DUSP14: variants seen among roughly 807,000 people sequenced by gnomAD.
DUSP14 encodes the protein dual specificity protein phosphatase 14.
DUSP14 carries 5 observed loss-of-function variants against 13.2 expected under a neutral mutation model. The ratio of observed to expected loss-of-function variants is 0.38; its 90% CI spans 0.20 to 0.80. The LOEUF is 0.80. Among genes scored for constraint, DUSP14 ranks in the 30% least tolerant of loss-of-function variants. The pLI, the probability that DUSP14 is intolerant of heterozygous loss-of-function variation, is 0.44. For missense variants in DUSP14, 185 were observed against 264.0 expected (o/e 0.70, Z 2.07); for synonymous variants, 91 against 103.4 (o/e 0.88, Z 0.73).
rs1230034955 is a variant in DUSP14, at chr17:37,513,347, CA to C, written c.*479del. 5.8e-6 allele frequency: 1 copy of C among 172,666 alleles called. No individual in the cohort carries two copies. The highest frequency in any genetic ancestry group is 2.4e-5 in the African/African-American group (1 of 41,656). The allele number at this position is 172,666 out of a possible 1,614,324, so 10.7% of individuals were successfully genotyped here. The stretch of plus-strand genomic sequence containing the variant: ...TAGCCCTACTCTTTCCTTTCCCCTC[CA>C]TTATTTAGTGACTCTGTAAGTAAGT... On this transcript the variant is annotated 3_prime_UTR_variant, in exon 3 of 3. Coordinates refer to ENST00000617516, the MANE Select transcript of DUSP14 (RefSeq NM_007026.4).
chr17:37,510,568 C>A (rs1481764636), intron 1 of DUSP14, 109 bp from the exon 2 acceptor site: 1 of 152,234 alleles, frequency 6.6e-6, no homozygotes, highest in Non-Finnish European at 1.5e-5. Flanking sequence ...AGTGCACCTT[C>A]CGCTTCCTGG....
Position 37,512,819 on chromosome 17 carries a change from G to A in DUSP14, c.547G>A (p.Asp183Asn), listed in dbSNP as rs2054200134. The A allele has an allele frequency of 7.4e-6, 12 of 1,612,076 alleles. No homozygotes were observed. Among genetic ancestry groups the A allele is most frequent in the East Asian group, 2.2e-5 (1 of 44,810 alleles). ...ACAGACACCTTATGGCATAGTTCCCGACGTCTATGAGAAGGAGTCCCGACA... is the reference window on the plus strand; with the variant it reads ...ACAGACACCTTATGGCATAGTTCCCAACGTCTATGAGAAGGAGTCCCGACA... ...MVQTPYGIVP[D>N]VYEKESRHLM... Residue 183 changes from aspartate to asparagine, a missense_variant, in exon 3 of 3, where the codon GAC (aspartate) becomes AAC (asparagine). Asp to Asn is a conservative substitution (Grantham distance 23). Transcript: ENST00000617516. This position sits in a 1 kb window ranked among gnomAD's most constrained non-coding sequence, Gnocchi z 4.8.
At chr17:37,498,158 CT>C (rs1181607275) in intron 1 of DUSP14, among the ~76,000 whole-genome samples, 1 of 151,104 alleles carries the variant, frequency 6.6e-6, no homozygotes, top group Admixed American at 6.6e-5. Flanking sequence ...CATGATATTT[CT>C]TTTTTTTCCT....
chr17:37,511,920 C>CA (rs1568206013), intron 2 of DUSP14, among the ~76,000 whole-genome samples: 1 of 42,784 alleles, frequency 2.3e-5, no homozygotes, highest in South Asian at 5.3e-4. Flanking sequence ...CATGCCCAGC[C>CA]ACCCCCCCCC....
At chr17:37,503,586 G>A (rs1466560382) in intron 1 of DUSP14, among the ~76,000 whole-genome samples, 1 of 152,232 alleles carries the variant, frequency 6.6e-6, no homozygotes, top group East Asian at 1.9e-4. Context: ...GTGTAAATGA[G>A]TGGTAGGTAA....
At chr17:37,491,291 C>T (rs1412638848) in intron 1 of DUSP14, among the ~76,000 whole-genome samples, 1 of 152,194 alleles carries the variant, frequency 6.6e-6, no homozygotes, top group Non-Finnish European at 1.5e-5. Flanking sequence ...ACAGTGAACG[C>T]CTCTTCTTCG....
At chr17:37,509,163 ACACACTCTAT>A (rs2054160593) in intron 1 of DUSP14, among the ~76,000 whole-genome samples, 3 of 58,244 alleles carry the variant, frequency 5.2e-5, no homozygotes, top group East Asian at 4.1e-4. Flanking sequence ...ACACACACAC[ACACACTCTAT>A]ATATATATGT....
chr17:37,509,139 A>ATATATG lies in DUSP14; in HGVS notation c.-180-1538_-180-1537insTATATG, dbSNP rs1568204473. Among the ~76,000 whole-genome samples the ATATATG allele has an allele frequency of 1.4e-4, 9 of 63,048 alleles. 1 individual carries two copies. The highest frequency in any genetic ancestry group is 1.1e-3 in the South Asian group (2 of 1,890). 41.4% of individuals were successfully genotyped at this position (63,048 alleles called of 152,430 possible). On this transcript the variant is annotated intron_variant, in intron 1 of 2. Coordinates refer to ENST00000617516, the MANE Select transcript of DUSP14 (RefSeq NM_007026.4). ...TATATATATATATATACACACACACACACACACACACACACACACACACAC... is the reference window on the plus strand; with the variant it reads ...TATATATATATATATACACACACACATATATGCACACACACACACACACACACACAC...
In DUSP14 at chr17:37,509,137, A is replaced by ATATG. The variant is rs1568204463; in HGVS notation, c.-180-1540_-180-1539insTATG. Among the ~76,000 whole-genome samples, 6 of 46,442 alleles carry ATATG rather than the reference A, an allele frequency of 1.3e-4. 2 individuals carry two copies. Among genetic ancestry groups the ATATG allele is most frequent in the Non-Finnish European group, 2.2e-4 (6 of 27,196 alleles). 30.5% of individuals were successfully genotyped at this position (46,442 alleles called of 152,430 possible). On this transcript the variant is annotated intron_variant, in intron 1 of 2. Coordinates refer to ENST00000617516, the MANE Select transcript of DUSP14 (RefSeq NM_007026.4). The stretch of plus-strand genomic sequence containing the variant: ...TATATATATATATATATACACACAC[A>ATATG]CACACACACACACACACACACACAC...
rs1568197198 is a variant in DUSP14 at position 37,489,935 on chromosome 17, C to A, written c.-204C>A. 1 of 140,742 alleles carries A rather than the reference C, an allele frequency of 7.1e-6. No homozygotes were observed. The highest frequency in any genetic ancestry group is 2.6e-5 in the African/African-American group (1 of 37,964). 8.7% of individuals were successfully genotyped at this position (140,742 alleles called of 1,614,324 possible). A position where few individuals can be genotyped will look rare whatever the true frequency, so the allele number is the denominator to read the frequency against. On this transcript the variant is annotated 5_prime_UTR_variant, in exon 1 of 3. Transcript: ENST00000617516. ...CAGGAGGACGGAGCCCTAACCGCAA[C>A]CCGCTCCGCGCCGCGCCGCGCCGGT...
intron 2 of DUSP14, among the ~76,000 whole-genome samples, chr17:37,511,112 C>T (rs1028062202): frequency 6.6e-6 from 1 of 152,014 alleles, no homozygotes; most frequent in Non-Finnish European, 1.5e-5. Context: ...TCGTGGAGCT[C>T]AGAATTAAGG....
rs1175694412 is a variant in DUSP14, at chr17:37,489,919, G to A, written c.-220G>A. 1 of 133,094 alleles carries A rather than the reference G, an allele frequency of 7.5e-6. No homozygotes were observed. Among genetic ancestry groups the A allele is most frequent in the Non-Finnish European group, 1.6e-5 (1 of 62,474 alleles). 8.2% of individuals were successfully genotyped at this position (133,094 alleles called of 1,614,324 possible). A position where few individuals can be genotyped will look rare whatever the true frequency, so the allele number is the denominator to read the frequency against. ...GAAGCCGGTGGCCGCGCAGGAGGAC[G>A]GAGCCCTAACCGCAACCCGCTCCGC... On this transcript the variant is annotated 5_prime_UTR_variant, in exon 1 of 3. Coordinates refer to ENST00000617516, the MANE Select transcript of DUSP14 (RefSeq NM_007026.4).
At chr17:37,491,986 C>G (rs2054031480) in intron 1 of DUSP14, among the ~76,000 whole-genome samples, 1 of 152,082 alleles carries the variant, frequency 6.6e-6, no homozygotes. Context: ...TATAAATGTC[C>G]GTTTGCACAA....
intron 1 of DUSP14, among the ~76,000 whole-genome samples, chr17:37,495,130 G>A (rs1049907025): frequency 1.3e-5 from 2 of 152,134 alleles, no homozygotes; most frequent in Non-Finnish European, 2.9e-5. Flanking sequence ...TCACCCCTTC[G>A]GCCTTCCAGC....
chr17:37,494,028 C>G (rs1394406785), intron 1 of DUSP14, among the ~76,000 whole-genome samples: 3 of 149,264 alleles, frequency 2.0e-5, no homozygotes, highest in Non-Finnish European at 4.4e-5. Context: ...GAGTCTCACT[C>G]TGTCGCCCAG....
intron 1 of DUSP14, among the ~76,000 whole-genome samples, chr17:37,505,056 T>C (rs1225633588): frequency 6.6e-6 from 1 of 152,174 alleles, no homozygotes; most frequent in Non-Finnish European, 1.5e-5. Context: ...TATGCCTGGC[T>C]GATTTTTGTA....
At chr17:37,493,994 CT>C (rs1250993098) in intron 1 of DUSP14, among the ~76,000 whole-genome samples, 417 of 140,030 alleles carry the variant, frequency 3.0e-3, no homozygotes, top group Middle Eastern at 0.014. Flanking sequence ...CTCTTTTAAA[CT>C]TTTTTTTTTT....
At chr17:37,504,904 T>C (rs2054128144) in intron 1 of DUSP14, among the ~76,000 whole-genome samples, 1 of 152,024 alleles carries the variant, frequency 6.6e-6, no homozygotes, top group Non-Finnish European at 1.5e-5. Context: ...TTTGTTTTTA[T>C]ATTTTGCGAC....
intron 1 of DUSP14, among the ~76,000 whole-genome samples, chr17:37,492,851 A>C (rs1011201516): frequency 6.6e-6 from 1 of 152,166 alleles, no homozygotes; most frequent in African/African-American, 2.4e-5. Context: ...CCTGACTTTT[A>C]TGGAAATCAT....
Sources: allele counts gnomAD v4.1 joint callset (sites outside exome capture counted in the v4.1 genomes callset), GRCh38; gene constraint gnomAD v4.1.1; non-coding constraint Gnocchi (gnomAD v3.1); transcripts MANE v1.5; gene names NCBI Gene and HGNC (gene_info 2026-07-23, HGNC 2026-07-21).